Variants in CNTNAP5 observed in about 807,000 individuals in gnomAD.
The protein encoded by CNTNAP5 is contactin-associated protein-like 5.
A neutral mutation model predicts 150.2 loss-of-function variants in CNTNAP5; 72 were observed. That is an observed-to-expected ratio of 0.48 (90% CI 0.40 to 0.58). The LOEUF (loss-of-function observed/expected upper bound fraction) is 0.58. Among genes scored for constraint, CNTNAP5 ranks in the 20% least tolerant of loss-of-function variants. The pLI is 0.00. For missense variants in CNTNAP5, 1,636 were observed against 1,626.2 expected (o/e 1.01, Z -0.10); for synonymous variants, 672 against 619.8 (o/e 1.08, Z -1.25).
At chr2:124,119,895 T>C (rs1683520250) in intron 1 of CNTNAP5, among the ~76,000 whole-genome samples, 2 of 152,224 alleles carry the variant, frequency 1.3e-5, no homozygotes, top group African/African-American at 4.8e-5. Flanking sequence ...CATTTATTAA[T>C]ATTAATTTAG....
At chr2:124,174,799 G>T (rs1362864597) in intron 1 of CNTNAP5, among the ~76,000 whole-genome samples, 3 of 152,196 alleles carry the variant, frequency 2.0e-5, no homozygotes, top group Non-Finnish European at 1.5e-5. Flanking sequence ...ACATGCTACA[G>T]AAATATCTTT....
intron 3 of CNTNAP5, among the ~76,000 whole-genome samples, chr2:124,410,075 G>T (rs1428205984): frequency 6.6e-6 from 1 of 152,126 alleles, no homozygotes; most frequent in Non-Finnish European, 1.5e-5. Flanking sequence ...GGCAGGGGTT[G>T]CCATCCTAGT....
chr2:124,736,485 G>A (rs1365308577), intron 13 of CNTNAP5, among the ~76,000 whole-genome samples: 2 of 152,130 alleles, frequency 1.3e-5, no homozygotes, highest in African/African-American at 4.8e-5. Flanking sequence ...GGTTCAATCA[G>A]ACAAGAGTCT....
rs959049357 is a variant in CNTNAP5, at chr2:124,586,415, C to T, written c.1756+23092C>T. Among the ~76,000 whole-genome samples, 11 of 152,276 alleles carry T rather than the reference C, an allele frequency of 7.2e-5. No homozygotes were observed. In the South Asian group the frequency reaches 1.7e-3, roughly 23 times the overall value. On this transcript the variant is annotated intron_variant, in intron 11 of 23. Transcript: ENST00000682447. ...AGCTACTATCCAGCGGAGCCAGGAG[C>T]GGGTGCTGGCCTGCCTGCAGGACAC...
At chr2:124,348,636 A>C (rs1689797796) in intron 3 of CNTNAP5, among the ~76,000 whole-genome samples, 1 of 152,234 alleles carries the variant, frequency 6.6e-6, no homozygotes, top group Non-Finnish European at 1.5e-5. Context: ...TACCAAAATA[A>C]AACCATCAGT....
intron 3 of CNTNAP5, among the ~76,000 whole-genome samples, chr2:124,392,727 A>AG (rs1384566133): frequency 7.9e-6 from 1 of 125,886 alleles, no homozygotes; most frequent in East Asian, 2.3e-4. Flanking sequence ...GAAGGAGGGG[A>AG]GGAAAAAAAA....
At chr2:124,557,644 G>A (rs1275504867) in intron 10 of CNTNAP5, among the ~76,000 whole-genome samples, 1 of 151,934 alleles carries the variant, frequency 6.6e-6, no homozygotes, top group African/African-American at 2.4e-5. Flanking sequence ...ATAAACTGAT[G>A]GATAAGCAGA....
rs888690710 is a variant in CNTNAP5 at position 124,727,866 on chromosome 2, G to A, written c.2078-19363G>A. Among the ~76,000 whole-genome samples, 21 of 149,386 alleles carry A rather than the reference G, an allele frequency of 1.4e-4. No homozygotes were observed. The East Asian group carries it at 2.3e-3, about 17-fold the overall frequency. ...ATGTTGAATAGAAGTGGTCAGAATGGGCATCCTTTCCTTGTTCCTAATCTT... is the reference window on the plus strand; with the variant it reads ...ATGTTGAATAGAAGTGGTCAGAATGAGCATCCTTTCCTTGTTCCTAATCTT... On this transcript the variant is annotated intron_variant, in intron 13 of 23. Transcript: ENST00000682447.
At chr2:124,616,719 G>A (rs1265804056) in intron 12 of CNTNAP5, among the ~76,000 whole-genome samples, 1 of 152,152 alleles carries the variant, frequency 6.6e-6, no homozygotes, top group Non-Finnish European at 1.5e-5. Flanking sequence ...TAAAATGAGA[G>A]ATGTGCCACT....
chr2:124,293,013 A>C (rs1353035825), intron 3 of CNTNAP5, among the ~76,000 whole-genome samples: 2 of 152,128 alleles, frequency 1.3e-5, no homozygotes, highest in East Asian at 1.9e-4. Flanking sequence ...GTATATGAAT[A>C]AGCAAAAAGA....
At chr2:124,423,451 T>G (rs1221138272) in intron 4 of CNTNAP5, among the ~76,000 whole-genome samples, 1 of 152,134 alleles carries the variant, frequency 6.6e-6, no homozygotes, top group East Asian at 1.9e-4. Flanking sequence ...CTAGGCTACC[T>G]GAAGTTCTGT....
At chr2:124,375,449 A>G (rs1690622356) in intron 3 of CNTNAP5, among the ~76,000 whole-genome samples, 1 of 152,096 alleles carries the variant, frequency 6.6e-6, no homozygotes, top group Non-Finnish European at 1.5e-5. Flanking sequence ...AAAAATAAAA[A>G]CAGACAGACT....
intron 17 of CNTNAP5, among the ~76,000 whole-genome samples, chr2:124,786,394 AGAAAGAAGGAAGGAAGGAAGGAAGGAAG>A (rs1281701695): frequency 2.7e-4 from 17 of 62,096 alleles, no homozygotes; most frequent in South Asian, 1.4e-3. Flanking sequence ...AAAGAAAGAA[AGAAAGAAGGAAGGAAGGAAGGAAGGAAG>A]GAAGGAAGGA....
intron 13 of CNTNAP5, among the ~76,000 whole-genome samples, chr2:124,667,735 TTC>T (rs1206647566): frequency 6.6e-6 from 1 of 152,228 alleles, no homozygotes; most frequent in Admixed American, 6.5e-5. Flanking sequence ...TTCCTGTCTA[TTC>T]TCTCTCTCTT....
chr2:124,111,609 C>A (rs1204389259), intron 1 of CNTNAP5, among the ~76,000 whole-genome samples: 1 of 152,080 alleles, frequency 6.6e-6, no homozygotes, highest in Non-Finnish European at 1.5e-5. Context: ...CATGAAGAAG[C>A]CACAGTACAA....
At chr2:124,896,383 CACTT>C (rs372659358) in intron 21 of CNTNAP5, among the ~76,000 whole-genome samples, 1 of 151,460 alleles carries the variant, frequency 6.6e-6, no homozygotes, top group African/African-American at 2.4e-5. Flanking sequence ...ATTGGCTTGA[CACTT>C]ACTCTGTATT....
At chr2:124,501,301 A>G (rs1340750799) in intron 7 of CNTNAP5, among the ~76,000 whole-genome samples, 2 of 152,244 alleles carry the variant, frequency 1.3e-5, no homozygotes, top group East Asian at 1.9e-4. Flanking sequence ...TGCTTAGCAC[A>G]ATTTTATAAT....
intron 1 of CNTNAP5, among the ~76,000 whole-genome samples, chr2:124,110,008 A>G (rs935182575): frequency 1.3e-5 from 2 of 152,210 alleles, no homozygotes; most frequent in African/African-American, 4.8e-5. Flanking sequence ...CACAAGTACT[A>G]TTGTAGGCTA....
At chr2:124,447,306 A>G (rs528117366) in intron 6 of CNTNAP5, among the ~76,000 whole-genome samples, 1 of 152,274 alleles carries the variant, frequency 6.6e-6, no homozygotes, top group East Asian at 1.9e-4. Context: ...TTTACATTAT[A>G]AACAAAACCC....
Sources: gnomAD v4.1 joint callset for allele counts (sites outside exome capture counted in the v4.1 genomes callset) on GRCh38, gnomAD v4.1.1 for gene constraint, MANE v1.5 for transcripts, NCBI Gene and HGNC (gene_info 2026-07-23, HGNC 2026-07-21) for gene names.